Variants in C2orf76 observed in about 807,000 individuals in gnomAD.
The protein encoded by C2orf76 is UPF0538 protein C2orf76.
Under a neutral mutation model 16.9 loss-of-function variants are expected in C2orf76, and 23 were observed. The ratio of observed to expected loss-of-function variants is 1.36; its 90% CI spans 0.98 to 1.93. The LOEUF is 1.93. Among genes scored for constraint, C2orf76 ranks in the 30% most tolerant of loss-of-function variants. The probability of loss-of-function intolerance (pLI) is 0.00; values close to 1 mark genes in which losing one functional copy is unlikely to be tolerated. For synonymous variants in C2orf76, 48 were observed against 52.3 expected, an observed-to-expected ratio of 0.92 and a Z score of 0.35; for missense variants, 152 against 152.6, an observed-to-expected ratio of 1.00 and a Z score of 0.02.
At position 119,337,599 on chromosome 2, in the gene C2orf76, G is replaced by A. The variant is rs369157459; in HGVS notation, c.133+2228C>T. Among the ~76,000 whole-genome samples the A allele has an allele frequency of 3.3e-5, 5 of 152,236 alleles. No homozygotes were observed. In the East Asian group the frequency reaches 9.6e-4, roughly 29 times the overall value. On this transcript the variant is annotated intron_variant, in intron 2 of 5. Transcript: ENST00000334816. ...TACACAATTCATAAAAGGCAAATCT[G>A]TGGCCCACCAACCTTTCAGAGTTCC... is the stretch of plus-strand genomic sequence containing the variant.
intron 2 of C2orf76, among the ~76,000 whole-genome samples, chr2:119,334,821 G>A (rs529092255): frequency 6.6e-6 from 1 of 152,222 alleles, no homozygotes; most frequent in East Asian, 1.9e-4. Context: ...GAAGGGAGTA[G>A]AAGAAAAAGT....
intron 3 of C2orf76, among the ~76,000 whole-genome samples, chr2:119,318,269 G>A (rs188518799): frequency 3.3e-5 from 5 of 152,146 alleles, no homozygotes; most frequent in African/African-American, 4.8e-5. Context: ...TTCTTCACTC[G>A]TTTTTATTTA....
chr2:119,316,931 A>C, intron 4 of C2orf76, among the ~76,000 whole-genome samples: 1 of 152,218 alleles, frequency 6.6e-6, no homozygotes, highest in Non-Finnish European at 1.5e-5. Context: ...CAAACCCATA[A>C]ATAAACAGCT....
chr2:119,306,027 A>C (rs1678771573), intron 5 of C2orf76, among the ~76,000 whole-genome samples: 1 of 152,026 alleles, frequency 6.6e-6, no homozygotes, highest in Non-Finnish European at 1.5e-5. Context: ...GGGAAGGTAA[A>C]ACGGGAAACA....
intron 1 of C2orf76, among the ~76,000 whole-genome samples, chr2:119,354,791 C>T (rs906330738): frequency 2.6e-5 from 4 of 152,176 alleles, no homozygotes; most frequent in Non-Finnish European, 4.4e-5. Context: ...ATAAAATCTT[C>T]CACCTCTAGG....
At chr2:119,332,586 G>T (rs1003309200) in intron 2 of C2orf76, among the ~76,000 whole-genome samples, 1 of 151,876 alleles carries the variant, frequency 6.6e-6, no homozygotes, top group Admixed American at 6.6e-5. Context: ...AAACAATCTG[G>T]ATGCAGCTAA....
At chr2:119,360,867 GAAAAAACAATAC>G (rs1425972312) in intron 1 of C2orf76, among the ~76,000 whole-genome samples, 1 of 152,072 alleles carries the variant, frequency 6.6e-6, no homozygotes, top group Admixed American at 6.5e-5. Flanking sequence ...TCTGAGTGAA[GAAAAAACAATAC>G]AAAAAGGCTA....
intron 3 of C2orf76, 75 bp from the exon 4 acceptor site, chr2:119,317,578 G>T: frequency 2.5e-6 from 3 of 1,207,284 alleles, no homozygotes; most frequent in Non-Finnish European, 3.6e-6. Flanking sequence ...AATGGGTGGA[G>T]GGTGGCTACG....
rs941401725 is a variant in C2orf76 at position 119,366,761 on chromosome 2, A to G, written c.-13+29T>C. On this transcript the variant is annotated intron_variant, in intron 1 of 5. Coordinates refer to ENST00000334816, the MANE Select transcript of C2orf76 (RefSeq NM_001322331.2). Reference sequence around the variant, plus strand: ...CTCTCGACCAACTCCCGGCAGCAAAACTAAGCACCCTACTTCCGTTGTCCC... The same window carrying G: ...CTCTCGACCAACTCCCGGCAGCAAAGCTAAGCACCCTACTTCCGTTGTCCC... 7.9e-5 allele frequency: 44 copies of G among 556,824 alleles called. No individual in the cohort carries two copies. In the African/African-American group the frequency reaches 7.9e-4, roughly 10 times the overall value. 34.5% of individuals were successfully genotyped at this position (556,824 alleles called of 1,614,324 possible).
At chr2:119,301,652 T>C (rs1433407785), downstream of C2orf76, among the ~76,000 whole-genome samples, 1 of 152,190 alleles carries the variant, frequency 6.6e-6, no homozygotes, top group East Asian at 1.9e-4. Context: ...GAAAGGCCTC[T>C]GAAATAAGGA....
intron 2 of C2orf76, among the ~76,000 whole-genome samples, chr2:119,337,083 G>C (rs1223428677): frequency 1.3e-5 from 2 of 149,292 alleles, no homozygotes; most frequent in East Asian, 1.9e-4. Context: ...TGAGACACAG[G>C]CTTGCTCTGT....
chr2:119,347,368 G>A (rs752681002), intron 1 of C2orf76, among the ~76,000 whole-genome samples: 4 of 152,106 alleles, frequency 2.6e-5, no homozygotes, highest in African/African-American at 4.8e-5. Context: ...TAATCTCAAC[G>A]GATGCAACAT....
intron 4 of C2orf76, among the ~76,000 whole-genome samples, chr2:119,313,239 C>A (rs13011366): frequency 0.46 from 69,650 of 151,776 alleles, 18,352 homozygotes; most frequent in Non-Finnish European, 0.59. Context: ...TCATTCACTG[C>A]AGAGCACAGG....
chr2:119,365,855 AC>A (rs1375226047), intron 1 of C2orf76, among the ~76,000 whole-genome samples: 1 of 151,748 alleles, frequency 6.6e-6, no homozygotes, highest in Non-Finnish European at 1.5e-5. Context: ...CTCTTTTCAA[AC>A]CCTTTTACGA....
Position 119,342,625 on chromosome 2 carries a change from G to GA in C2orf76, c.-12-2655dup, listed in dbSNP as rs377328274. Among the ~76,000 whole-genome samples the GA allele has an allele frequency of 4.7e-3, 632 of 134,112 alleles. 6 individuals carry two copies. Among genetic ancestry groups the GA allele is most frequent in the African/African-American group, 0.015 (553 of 36,520 alleles). The allele number at this position is 134,112 out of a possible 152,430, so 88.0% of individuals were successfully genotyped here. The stretch of plus-strand genomic sequence containing the variant: ...AGACTCGGTCTCAAAAAACAAAAAA[G>GA]AAAAAAAAAAAGAAAGGAGACAATT... On this transcript the variant is annotated intron_variant, in intron 1 of 5. Coordinates refer to ENST00000334816, the MANE Select transcript of C2orf76 (RefSeq NM_001322331.2).
chr2:119,366,594 G>A, intron 1 of C2orf76, 196 bp downstream of exon 1: 1 of 451,074 alleles, frequency 2.2e-6, no homozygotes, highest in Non-Finnish European at 4.5e-6. Context: ...GAGTTTACTT[G>A]TCCAGAGATG....
At chr2:119,292,229 T>A in the C2orf76 span, among the ~76,000 whole-genome samples, 4 of 152,174 alleles carry the variant, frequency 2.6e-5, no homozygotes, top group Admixed American at 2.6e-4. Context: ...CTGCCTTAAT[T>A]TGTACAGTTG....
intron 1 of C2orf76, among the ~76,000 whole-genome samples, chr2:119,364,039 G>GAGAGAGAGACAGAC (rs113457627): frequency 2.0e-5 from 3 of 147,574 alleles, no homozygotes; most frequent in Non-Finnish European, 3.0e-5. Context: ...GAGAGAGAGA[G>GAGAGAGAGACAGAC]AGACAGACAG....
chr2:119,353,551 A>ATTT (rs1434206469), intron 1 of C2orf76, among the ~76,000 whole-genome samples: 1 of 133,106 alleles, frequency 7.5e-6, no homozygotes, highest in African/African-American at 2.9e-5. Context: ...GGTAACAAGA[A>ATTT]TTTTCTTTTT....
Sources: gnomAD v4.1 joint callset for allele counts (sites outside exome capture counted in the v4.1 genomes callset) on GRCh38, gnomAD v4.1.1 for gene constraint, MANE v1.5 for transcripts, NCBI Gene and HGNC (gene_info 2026-07-23, HGNC 2026-07-21) for gene names.